Variants in APBB2 observed in about 807,000 individuals in gnomAD.
APBB2 encodes the protein amyloid beta precursor protein binding family B member 2.
A neutral mutation model predicts 82.5 loss-of-function variants in APBB2; 38 were observed. The ratio of observed to expected loss-of-function variants is 0.46; its 90% confidence interval spans 0.36 to 0.60. APBB2 has a LOEUF of 0.60. Among genes scored for constraint, APBB2 ranks in the 20% least tolerant of loss-of-function variants. The probability of loss-of-function intolerance (pLI) is 0.00; values close to 1 mark genes in which losing one functional copy is unlikely to be tolerated. For synonymous variants in APBB2, 341 were observed against 368.2 expected (o/e 0.93, Z 0.85); for missense variants, 772 against 972.3 (o/e 0.79, Z 2.74).
At chr4:41,172,795 T>C (rs149426948) in intron 1 of APBB2, among the ~76,000 whole-genome samples, 1 of 152,344 alleles carries the variant, frequency 6.6e-6, no homozygotes, top group Non-Finnish European at 1.5e-5. Context: ...TTCCACCTGA[T>C]GGAAGGGGGA....
intron 6 of APBB2, among the ~76,000 whole-genome samples, chr4:40,977,221 G>GTGGCTC (rs1226567677): frequency 6.6e-6 from 1 of 152,126 alleles, no homozygotes; most frequent in African/African-American, 2.4e-5. Context: ...CTGAAGGGCA[G>GTGGCTC]TGGCTCTCAA....
At chr4:41,058,076 T>C (rs1163960236) in intron 4 of APBB2, among the ~76,000 whole-genome samples, 1 of 152,182 alleles carries the variant, frequency 6.6e-6, no homozygotes, top group Non-Finnish European at 1.5e-5. Flanking sequence ...CAGAGTCTCA[T>C]TCTGCAACAA....
At chr4:40,939,865 G>GT (rs1786378426) in intron 7 of APBB2, among the ~76,000 whole-genome samples, 1 of 141,450 alleles carries the variant, frequency 7.1e-6, no homozygotes, top group African/African-American at 2.6e-5. Context: ...ATTCAGAGAA[G>GT]TTAAAAAAAA....
chr4:41,173,940 A>T (rs919258041), intron 1 of APBB2, among the ~76,000 whole-genome samples: 148 of 151,260 alleles, frequency 9.8e-4, no homozygotes, highest in African/African-American at 3.5e-3. Context: ...AGTGTTAAAG[A>T]TGGAGAAGAA....
chr4:41,088,440 A>G (rs1335255485), intron 3 of APBB2, among the ~76,000 whole-genome samples: 1 of 152,226 alleles, frequency 6.6e-6, no homozygotes, highest in East Asian at 1.9e-4. Flanking sequence ...AGCTGTGGCT[A>G]TTGCCATCGC....
chr4:40,899,467 C>CA (rs145076022), intron 10 of APBB2, among the ~76,000 whole-genome samples: 6,854 of 152,246 alleles, frequency 0.045, 504 homozygotes, highest in African/African-American at 0.16. Flanking sequence ...CTCCCTAAAA[C>CA]ATGTGTCGTG....
At chr4:40,991,959 C>T (rs1406818287) in intron 6 of APBB2, among the ~76,000 whole-genome samples, 7 of 152,032 alleles carry the variant, frequency 4.6e-5, no homozygotes, top group African/African-American at 1.7e-4. Flanking sequence ...ACTGCTCTCA[C>T]TCTCCCTCCT....
At chr4:40,846,607 G>T (rs979746395) in intron 12 of APBB2, among the ~76,000 whole-genome samples, 3 of 152,130 alleles carry the variant, frequency 2.0e-5, no homozygotes, top group African/African-American at 7.2e-5. Context: ...GACCAAGTGT[G>T]CCTTCCTTTC....
intron 10 of APBB2, among the ~76,000 whole-genome samples, chr4:40,907,996 A>G (rs1014429532): frequency 1.4e-5 from 2 of 145,642 alleles, no homozygotes; most frequent in East Asian, 2.0e-4. Context: ...GTGTGTGTGT[A>G]TGTGTGTATG....
At chr4:41,170,389 C>T (rs1241126871) in intron 1 of APBB2, among the ~76,000 whole-genome samples, 1 of 152,188 alleles carries the variant, frequency 6.6e-6, no homozygotes, top group Non-Finnish European at 1.5e-5. Context: ...TCAAGTTTCA[C>T]ATCCATTTGG....
At chr4:41,151,149 T>C (rs1762177578) in intron 1 of APBB2, among the ~76,000 whole-genome samples, 1 of 152,208 alleles carries the variant, frequency 6.6e-6, no homozygotes, top group Non-Finnish European at 1.5e-5. Flanking sequence ...CTTATCTTTT[T>C]TTAATGGCAT....
chr4:40,941,902 G>T (rs1344014014), intron 7 of APBB2, among the ~76,000 whole-genome samples: 1 of 152,086 alleles, frequency 6.6e-6, no homozygotes, highest in Non-Finnish European at 1.5e-5. Context: ...CTCCCAAAGA[G>T]CTGGGATTAC....
intron 12 of APBB2, among the ~76,000 whole-genome samples, chr4:40,885,038 T>A (rs1469906434): frequency 6.6e-6 from 1 of 152,132 alleles, no homozygotes; most frequent in Non-Finnish European, 1.5e-5. Flanking sequence ...GGAAGAGAAG[T>A]TTGGCTACAC....
At chr4:40,877,796 T>C (rs1410476072) in intron 12 of APBB2, among the ~76,000 whole-genome samples, 2 of 152,098 alleles carry the variant, frequency 1.3e-5, no homozygotes, top group Admixed American at 6.6e-5. Flanking sequence ...AAGAAGGATT[T>C]AGGGATCAGG....
chr4:40,821,631 G>A (rs1225927030), intron 17 of APBB2, among the ~76,000 whole-genome samples: 1 of 152,192 alleles, frequency 6.6e-6, no homozygotes, highest in Non-Finnish European at 1.5e-5. Flanking sequence ...TCAAGGTGGT[G>A]GTTATGAAAC....
intron 2 of APBB2, among the ~76,000 whole-genome samples, chr4:41,102,779 C>G (rs1054115685): frequency 6.6e-6 from 1 of 152,192 alleles, no homozygotes; most frequent in Non-Finnish European, 1.5e-5. Flanking sequence ...AAGCAAATGT[C>G]AGGACTTTTT....
chr4:40,890,409 G>T lies in APBB2; in HGVS notation c.1484C>A (p.Pro495His). 1.2e-6 allele frequency: 2 copies of T among 1,613,916 alleles called. No individual in the cohort carries two copies. The highest frequency in any genetic ancestry group is 1.3e-5 in the African/African-American group (1 of 75,046). ...GCCCCACACGCGGATGCTGACGATG[G>T]GCTGCGAGTGCAGCACGCTGCGGTC... is the stretch of plus-strand genomic sequence containing the variant. The part of the protein sequence containing the change: ...PMDRSVLHSQ[P>H]IVSIRVWGVG... The change falls in exon 12 of 18, where the codon CCC (proline) becomes CAC (histidine). Residue 495 changes from proline to histidine, a missense_variant. By Grantham distance (77) the Pro-to-His change is moderately conservative (BLOSUM62 -2). Coordinates refer to ENST00000508593, the MANE Select transcript of APBB2 (RefSeq NM_004307.2).
rs575119608 is a variant in APBB2 at position 41,087,465 on chromosome 4, T to C, written c.-149+13174A>G. Among the ~76,000 whole-genome samples, 298 of 152,314 alleles carry C rather than the reference T, an allele frequency of 2.0e-3. 2 individuals are homozygous for C. Among genetic ancestry groups the C allele is most frequent in the African/African-American group, 6.7e-3 (280 of 41,562 alleles). On this transcript the variant is annotated intron_variant, in intron 3 of 17. Transcript: ENST00000508593. ...TTTCTTTTGAGATGGAGTCTTGCTC[T>C]CTCACCCAGACTGGAGTACAGTGGC...
chr4:40,860,750 T>C (rs1251395731), intron 12 of APBB2, among the ~76,000 whole-genome samples: 1 of 152,168 alleles, frequency 6.6e-6, no homozygotes, highest in Non-Finnish European at 1.5e-5. Context: ...GCTTAATACA[T>C]CCACTATTGA....
Sources: allele counts gnomAD v4.1 joint callset (sites outside exome capture counted in the v4.1 genomes callset), GRCh38; gene constraint gnomAD v4.1.1; transcripts MANE v1.5; gene names NCBI Gene and HGNC (gene_info 2026-07-23, HGNC 2026-07-21).